The following ZNF782 variants were observed in gnomAD, a reference collection of about 807,000 sequenced individuals.
ZNF782 encodes zinc finger protein 782.
In ZNF782, 12 loss-of-function variants were observed where a neutral mutation model predicts 13.0. That is an observed-to-expected ratio of 0.92 (90% CI 0.59 to 1.50). ZNF782 has a LOEUF of 1.50. ZNF782 is among the 40% of genes most tolerant of loss of function. The pLI is 0.00. For missense variants in ZNF782, 770 were observed against 822.9 expected (o/e 0.94, Z 0.79); for synonymous variants, 284 against 283.0 (o/e 1.00, Z -0.04).
chr9:96,886,264 C>CT, the ZNF782 span, among the ~76,000 whole-genome samples: 1 of 149,288 alleles, frequency 6.7e-6, no homozygotes, highest in Non-Finnish European at 1.5e-5. Flanking sequence ...TGAAAATATC[C>CT]TTTAAGAATG....
In ZNF782 at chr9:96,818,998, G is replaced by A. The variant is rs1483645400; in HGVS notation, c.1025C>T (p.Pro342Leu). 3 of 1,614,112 alleles carry A rather than the reference G, an allele frequency of 1.9e-6. No individual in the cohort carries two copies. The highest frequency in any genetic ancestry group is 2.5e-6 in the Non-Finnish European group (3 of 1,179,984). ...CTGGTAGCTGAATGTCTCTGTACAT[G>A]GGTGATAATCAGAGTATTTATCTGT... ...HATDKYSDYH[P>L]CTETFSYQST... The change falls in exon 6 of 6, where the codon CCA (proline) becomes CTA (leucine). Residue 342 changes from proline to leucine, a missense_variant. Physicochemically the swap from Pro to Leu is moderately conservative, Grantham distance 98 (BLOSUM62 -3). Coordinates refer to ENST00000481138, the MANE Select transcript of ZNF782 (RefSeq NM_001001662.3).
At chr9:96,895,144 C>T in the ZNF782 span, 1 of 152,192 alleles carries the variant, frequency 6.6e-6, no homozygotes, top group Non-Finnish European at 1.5e-5. Flanking sequence ...ACTGCTGCCA[C>T]TGAATGGGAT....
In ZNF782 at chr9:96,818,647, A is replaced by G; in HGVS notation, c.1376T>C (p.Phe459Ser). The change falls in exon 6 of 6, where the codon TTT becomes TCT. Residue 459 changes from phenylalanine to serine, a missense_variant. Coordinates refer to ENST00000481138, the MANE Select transcript of ZNF782 (RefSeq NM_001001662.3). Reference sequence around the variant, plus strand: ...CACTATGAGGATTGACTTATAGTTAAAAGATTTCCCACATTCATGACATTC... The same window carrying G: ...CACTATGAGGATTGACTTATAGTTAGAAGATTTCCCACATTCATGACATTC... ...PFECHECGKSFNYKSILIVHQ... is the reference protein window; with the variant it reads ...PFECHECGKSSNYKSILIVHQ... 1 of 1,613,912 alleles carries G rather than the reference A, an allele frequency of 6.2e-7. No homozygotes were observed. The highest frequency in any genetic ancestry group is 8.5e-7 in the Non-Finnish European group (1 of 1,179,954).
chr9:96,925,359 C>T, the ZNF782 span, among the ~76,000 whole-genome samples: 6 of 151,850 alleles, frequency 4.0e-5, no homozygotes, highest in African/African-American at 9.7e-5. Context: ...AGAGTCTGAC[C>T]GGGCGCGGTG....
the ZNF782 span, among the ~76,000 whole-genome samples, chr9:96,885,073 C>A: frequency 1.3e-5 from 2 of 151,550 alleles, no homozygotes; most frequent in Non-Finnish European, 2.9e-5. Context: ...AAATAGAATT[C>A]ACAGTCTCAT....
Position 96,816,577 on chromosome 9 carries a change from T to C in ZNF782, c.*1346A>G, listed in dbSNP as rs771796879. On this transcript the variant is annotated 3_prime_UTR_variant, in exon 6 of 6. Transcript: ENST00000481138. ...GATATTATATGTGAAACAACAGTTC[T>C]GATAAAGCAATATCTAGATAAAGGC... The C allele has an allele frequency of 2.6e-5, 4 of 152,236 alleles. No homozygotes were observed. Among genetic ancestry groups the C allele is most frequent in the Non-Finnish European group, 4.4e-5 (3 of 68,042 alleles). The allele number at this position is 152,236 out of a possible 1,614,324, so 9.4% of individuals were successfully genotyped here.
At chr9:96,903,555 GGTTTTTT>G in the ZNF782 span, among the ~76,000 whole-genome samples, 3 of 84,610 alleles carry the variant, frequency 3.5e-5, no homozygotes, top group African/African-American at 1.3e-4. Flanking sequence ...ATTTTATGTT[GGTTTTTT>G]TTTTTTTTTT....
intron 1 of ZNF782, among the ~76,000 whole-genome samples, chr9:96,871,341 G>C (rs565108276): frequency 6.6e-6 from 1 of 151,522 alleles, no homozygotes; most frequent in Admixed American, 6.6e-5. Flanking sequence ...ACAGTGCAAT[G>C]ATTATTCAGA....
In ZNF782 at chr9:96,841,902, G is replaced by A. The variant is rs76983893; in HGVS notation, c.142+2988C>T. Among the ~76,000 whole-genome samples, 98 of 151,950 alleles carry A rather than the reference G, an allele frequency of 6.4e-4. 1 individual carries two copies. The East Asian group carries it at 0.018, about 28-fold the overall frequency. ...AAATAAAAAGCATACAGATTAGAAAGGAAAGTAGTAAACTGACCCTATACA... is the reference window on the plus strand; with the variant it reads ...AAATAAAAAGCATACAGATTAGAAAAGAAAGTAGTAAACTGACCCTATACA... On this transcript the variant is annotated intron_variant, in intron 4 of 5. Transcript: ENST00000481138.
At chr9:96,902,782 A>C in the ZNF782 span, 258 of 106,030 alleles carry the variant, frequency 2.4e-3, 7 homozygotes, top group African/African-American at 0.016. Context: ...CTATCAGTTT[A>C]TTATTATTAT....
chr9:96,873,696 TCA>T (rs911885949), intron 1 of ZNF782, among the ~76,000 whole-genome samples: 3 of 152,014 alleles, frequency 2.0e-5, no homozygotes, highest in African/African-American at 7.2e-5. Context: ...AGACCTTGTC[TCA>T]CACACACACA....
At chr9:96,899,443 C>A in the ZNF782 span, among the ~76,000 whole-genome samples, 1 of 152,264 alleles carries the variant, frequency 6.6e-6, no homozygotes, top group South Asian at 2.1e-4. Context: ...AACATTTCTT[C>A]CAGATATTGG....
the ZNF782 span, among the ~76,000 whole-genome samples, chr9:96,881,299 T>C: frequency 6.6e-6 from 1 of 152,122 alleles, no homozygotes; most frequent in African/African-American, 2.4e-5. Flanking sequence ...TTTCTTCTTC[T>C]AGCTTTTAGT....
At chr9:96,897,538 G>A in the ZNF782 span, among the ~76,000 whole-genome samples, 1 of 151,846 alleles carries the variant, frequency 6.6e-6, no homozygotes, top group Non-Finnish European at 1.5e-5. Flanking sequence ...ACAGGCACAC[G>A]TCTGCTGTGT....
chr9:96,919,769 G>A, the ZNF782 span, among the ~76,000 whole-genome samples: 1 of 149,552 alleles, frequency 6.7e-6, no homozygotes, highest in Non-Finnish European at 1.5e-5. Context: ...TCACCATGTT[G>A]GCCTGGTCTC....
chr9:96,925,215 G>GGCAGGCGTGGA, the ZNF782 span, among the ~76,000 whole-genome samples: 12 of 152,236 alleles, frequency 7.9e-5, no homozygotes, highest in African/African-American at 2.6e-4. Context: ...AGGCGCGCGG[G>GGCAGGCGTGGA]GCAGGCGTGG....
chr9:96,827,549 C>T (rs1380626571), intron 4 of ZNF782, among the ~76,000 whole-genome samples: 2 of 152,064 alleles, frequency 1.3e-5, no homozygotes, highest in African/African-American at 2.4e-5. Flanking sequence ...CTCAAGCAAT[C>T]GTCTCACCCT....
At chr9:96,888,845 G>A in the ZNF782 span, 1 of 152,432 alleles carries the variant, frequency 6.6e-6, no homozygotes, top group Admixed American at 6.5e-5. Context: ...CCAGGCCTCT[G>A]AAAGTCACTG....
chr9:96,852,695 A>G (rs1223562339), intron 2 of ZNF782, among the ~76,000 whole-genome samples, 158 bp downstream of exon 2: 2 of 152,204 alleles, frequency 1.3e-5, no homozygotes, highest in African/African-American at 4.8e-5. Flanking sequence ...TGCATCATTT[A>G]ACTATTTTTC....
Sources: gnomAD v4.1 joint callset for allele counts (sites outside exome capture counted in the v4.1 genomes callset) on GRCh38, gnomAD v4.1.1 for gene constraint, MANE v1.5 for transcripts, NCBI Gene and HGNC (gene_info 2026-07-23, HGNC 2026-07-21) for gene names.